SULF1: variants seen among roughly 807,000 people sequenced by gnomAD.
SULF1 encodes sulfatase 1.
In SULF1, 46 loss-of-function variants were observed where a neutral mutation model predicts 110.5. That is an observed-to-expected ratio of 0.42 (90% CI 0.33 to 0.53). The LOEUF (loss-of-function observed/expected upper bound fraction) is 0.53, where lower values mean the gene tolerates loss of function less well. Ranked by LOEUF, SULF1 falls within the 20% of genes least tolerant of loss-of-function variation. The pLI is 0.12. For synonymous variants in SULF1, 371 were observed against 387.1 expected, an observed-to-expected ratio of 0.96 and a Z score of 0.49; for missense variants, 941 against 1,094.2, an observed-to-expected ratio of 0.86 and a Z score of 1.98.
At position 69,624,181 on chromosome 8, in the gene SULF1, G is replaced by A. The variant is rs200550270; in HGVS notation, c.1834G>A (p.Val612Ile). Residue 612 changes from valine (V) to isoleucine (I), a missense_variant, in exon 15 of 23, where the codon GTC becomes ATC. Coordinates refer to ENST00000402687, the MANE Select transcript of SULF1 (RefSeq NM_001128205.2). The stretch of plus-strand genomic sequence containing the variant: ...CAACGCCGTGGGCCCACCTACCACT[G>A]TCCGAGTGACACACAAGTAAGAAAG... Reference protein sequence around the residue: ...SSNAVGPPTTVRVTHKCFILP... With the variant: ...SSNAVGPPTTIRVTHKCFILP... The A allele has an allele frequency of 2.5e-6, 4 of 1,587,280 alleles. No individual in the cohort carries two copies. Among genetic ancestry groups the A allele is most frequent in the South Asian group, 2.3e-5 (2 of 87,564 alleles).
chr8:69,471,236 G>A (rs1032146496), intron 1 of SULF1, among the ~76,000 whole-genome samples: 2 of 152,068 alleles, frequency 1.3e-5, no homozygotes, highest in African/African-American at 4.8e-5. Flanking sequence ...GAGTGACAGG[G>A]ACTGGCCTGG....
At chr8:69,561,247 C>T (rs1815465467) in intron 3 of SULF1, among the ~76,000 whole-genome samples, 1 of 151,822 alleles carries the variant, frequency 6.6e-6, no homozygotes, top group Non-Finnish European at 1.5e-5. Context: ...TAAATATATA[C>T]AATTATCATT....
intron 1 of SULF1, among the ~76,000 whole-genome samples, chr8:69,482,323 C>T (rs778218375): frequency 1.3e-4 from 20 of 152,200 alleles, no homozygotes; most frequent in Non-Finnish European, 1.8e-4. Flanking sequence ...ATGAAATATA[C>T]AACCTTTAGT....
chr8:69,498,017 G>A (rs1406013079), intron 2 of SULF1, among the ~76,000 whole-genome samples: 1 of 152,136 alleles, frequency 6.6e-6, no homozygotes, highest in African/African-American at 2.4e-5. Context: ...AGTAAGAAGA[G>A]ATATTGGAGG....
intron 22 of SULF1, among the ~76,000 whole-genome samples, chr8:69,654,184 A>T (rs1383707352): frequency 1.3e-5 from 2 of 152,060 alleles, no homozygotes; most frequent in Non-Finnish European, 2.9e-5. Flanking sequence ...TTCTCTCATG[A>T]CTCATGACGT....
intron 1 of SULF1, among the ~76,000 whole-genome samples, chr8:69,476,346 A>G (rs1260803166): frequency 6.6e-6 from 1 of 152,130 alleles, no homozygotes; most frequent in African/African-American, 2.4e-5. Flanking sequence ...CCTATTCAAA[A>G]TAAGAGGGCC....
At chr8:69,497,021 CAA>C (rs1810409839) in intron 2 of SULF1, among the ~76,000 whole-genome samples, 1 of 152,156 alleles carries the variant, frequency 6.6e-6, no homozygotes, top group Non-Finnish European at 1.5e-5. Flanking sequence ...TCCACGATGG[CAA>C]GATTTGTGTG....
chr8:69,653,206 ATTACAGGCGT>A (rs1812483629), intron 22 of SULF1, among the ~76,000 whole-genome samples: 1 of 152,052 alleles, frequency 6.6e-6, no homozygotes, highest in Non-Finnish European at 1.5e-5. Flanking sequence ...AGTAGCTGGG[ATTACAGGCGT>A]GTGCCACCAC....
chr8:69,506,942 G>T (rs1811239639), intron 3 of SULF1, among the ~76,000 whole-genome samples: 1 of 152,186 alleles, frequency 6.6e-6, no homozygotes, highest in East Asian at 1.9e-4. Context: ...AGCGCAAGTT[G>T]GTATGAGACA....
intron 6 of SULF1, among the ~76,000 whole-genome samples, chr8:69,583,902 T>C (rs546053886): frequency 5.9e-5 from 9 of 152,236 alleles, no homozygotes; most frequent in African/African-American, 2.2e-4. Flanking sequence ...GCTCTGGCCT[T>C]GATATATAAA....
chr8:69,520,911 T>G (rs955188887), intron 3 of SULF1, among the ~76,000 whole-genome samples: 1 of 152,184 alleles, frequency 6.6e-6, no homozygotes, highest in Non-Finnish European at 1.5e-5. Context: ...CTCAACCTAA[T>G]TCTGTCTTTC....
chr8:69,630,213 T>C (rs953330347), intron 19 of SULF1, among the ~76,000 whole-genome samples: 2 of 152,248 alleles, frequency 1.3e-5, no homozygotes, highest in Non-Finnish European at 2.9e-5. Flanking sequence ...ATTGAACTGC[T>C]AAGGATATGG....
chr8:69,528,443 T>C (rs1025346135), intron 3 of SULF1, among the ~76,000 whole-genome samples: 3 of 152,116 alleles, frequency 2.0e-5, no homozygotes, highest in Admixed American at 6.5e-5. Context: ...AGTGCAAAAA[T>C]CCAAATTCTC....
chr8:69,659,117 G>A lies in SULF1; in HGVS notation c.*582G>A. 2 of 456,774 alleles carry A rather than the reference G, an allele frequency of 4.4e-6. No homozygotes were observed. The highest frequency in any genetic ancestry group is 3.1e-5 in the South Asian group (2 of 64,560). The allele number at this position is 456,774 out of a possible 1,614,324, so 28.3% of individuals were successfully genotyped here. A position where few individuals can be genotyped will look rare whatever the true frequency, so the allele number is the denominator to read the frequency against. ...GAACTTCCCCAGTATGGTGGTCCTG[G>A]AAAGGACATTTTTGAAGATCAACTA... On this transcript the variant is annotated 3_prime_UTR_variant, in exon 23 of 23. Coordinates refer to ENST00000402687, the MANE Select transcript of SULF1 (RefSeq NM_001128205.2).
At chr8:69,497,666 G>A (rs149929412) in intron 2 of SULF1, among the ~76,000 whole-genome samples, 21 of 152,270 alleles carry the variant, frequency 1.4e-4, no homozygotes, top group African/African-American at 4.8e-4. Flanking sequence ...TTCCACTAAG[G>A]ACTGTTATTT....
chr8:69,549,222 C>G (rs868158802), intron 3 of SULF1, among the ~76,000 whole-genome samples: 4 of 152,218 alleles, frequency 2.6e-5, no homozygotes, highest in African/African-American at 9.7e-5. Context: ...CTCCATGAAA[C>G]AGCAGGAGAT....
rs5892206 is a variant in SULF1 at position 69,583,406 on chromosome 8, TAA to T, written c.413-2934_413-2933del. ...AATATGGTGAAACCCCATCTCTATT[TAA>T]AAAAAAAAAAAAAAAATTAGCCAGG... On this transcript the variant is annotated intron_variant, in intron 6 of 22. Transcript: ENST00000402687. 2.6e-3 allele frequency among the ~76,000 whole-genome samples: 351 copies of T among 137,024 alleles called. 1 individual carries two copies. The highest frequency in any genetic ancestry group is 5.3e-3 in the South Asian group (22 of 4,182). The allele number at this position is 137,024 out of a possible 152,430, so 89.9% of individuals were successfully genotyped here.
At chr8:69,485,249 T>TAA (rs1166166080) in intron 1 of SULF1, among the ~76,000 whole-genome samples, 1 of 152,238 alleles carries the variant, frequency 6.6e-6, no homozygotes, top group Non-Finnish European at 1.5e-5. Context: ...GGACCACATT[T>TAA]ACCTACCGCC....
chr8:69,568,152 C>CT (rs554595861), intron 5 of SULF1, among the ~76,000 whole-genome samples: 24 of 152,298 alleles, frequency 1.6e-4, no homozygotes, highest in African/African-American at 5.3e-4. Context: ...TAATGCAAAC[C>CT]TTTTTGCACC....
Sources: gnomAD v4.1 joint callset for allele counts (sites outside exome capture counted in the v4.1 genomes callset) on GRCh38, gnomAD v4.1.1 for gene constraint, MANE v1.5 for transcripts, NCBI Gene and HGNC (gene_info 2026-07-23, HGNC 2026-07-21) for gene names.